MYOF: variants seen among roughly 807,000 people sequenced by gnomAD.
MYOF encodes fer-1-like 3, myoferlin.
Under a neutral mutation model 284.2 loss-of-function variants are expected in MYOF, and 244 were observed. The ratio of observed to expected loss-of-function variants is 0.86; its 90% CI spans 0.77 to 0.95. The LOEUF (loss-of-function observed/expected upper bound fraction) is 0.95, where lower values mean the gene tolerates loss of function less well. MYOF is among the 40% of genes least tolerant of loss of function. The pLI, the probability that MYOF is intolerant of heterozygous loss-of-function variation, is 0.00. For missense variants in MYOF, 2,496 were observed against 2,560.6 expected (o/e 0.97, Z 0.54); for synonymous variants, 904 against 919.7 (o/e 0.98, Z 0.31).
intron 49 of MYOF, among the ~76,000 whole-genome samples, chr10:93,318,888 G>GA (rs1418854355): frequency 6.6e-6 from 1 of 152,210 alleles, no homozygotes; most frequent in Non-Finnish European, 1.5e-5. Context: ...GAAGCTGACA[G>GA]AATGTGGAGG....
At chr10:93,350,559 T>G (rs1268952452) in intron 35 of MYOF, among the ~76,000 whole-genome samples, 2 of 152,170 alleles carry the variant, frequency 1.3e-5, no homozygotes, top group Non-Finnish European at 2.9e-5. Flanking sequence ...GTGATCCACC[T>G]GCCTTGGCCT....
intron 1 of MYOF, among the ~76,000 whole-genome samples, chr10:93,477,314 A>T (rs571010159): frequency 6.6e-6 from 1 of 151,804 alleles, no homozygotes; most frequent in African/African-American, 2.4e-5. Context: ...CAACATGGTG[A>T]AACCCCGTCT....
Position 93,310,013 on chromosome 10 carries a change from C to A in MYOF, c.6147+7G>T. On this transcript the variant is annotated splice_region_variant and intron_variant, in intron 53 of 53. Coordinates refer to ENST00000359263, the MANE Select transcript of MYOF (RefSeq NM_013451.4). ...GCCAAGACAAGGGGCCAAGGAAGGG[C>A]TCCTACCGGCAAAGAGTAGAGGAGC... 6.2e-7 allele frequency: 1 copy of A among 1,614,046 alleles called. No individual in the cohort carries two copies. The highest frequency in any genetic ancestry group is 8.5e-7 in the Non-Finnish European group (1 of 1,180,004).
chr10:93,462,822 T>C (rs1164226342), intron 1 of MYOF, among the ~76,000 whole-genome samples: 4 of 151,780 alleles, frequency 2.6e-5, no homozygotes, highest in African/African-American at 9.7e-5. Flanking sequence ...ATTCTACCTC[T>C]GTAAAAATAA....
intron 32 of MYOF, 67 bp from the exon 33 acceptor site, chr10:93,351,913 G>T: frequency 7.3e-7 from 1 of 1,378,766 alleles, no homozygotes; most frequent in Non-Finnish European, 9.8e-7. Flanking sequence ...ACCACTCAGT[G>T]CAACCATATT....
chr10:93,454,059 G>GT (rs1403720395), intron 2 of MYOF, among the ~76,000 whole-genome samples: 2 of 152,182 alleles, frequency 1.3e-5, no homozygotes, highest in Non-Finnish European at 2.9e-5. Flanking sequence ...GCATATGCCT[G>GT]TAATCCCAGC....
At chr10:93,355,954 C>T (rs1387422087) in intron 30 of MYOF, among the ~76,000 whole-genome samples, 1 of 152,158 alleles carries the variant, frequency 6.6e-6, no homozygotes, top group Non-Finnish European at 1.5e-5. Context: ...AAGTGGGAGC[C>T]AGCCCTCCTA....
intron 5 of MYOF, among the ~76,000 whole-genome samples, chr10:93,422,420 G>A (rs1459714195): frequency 6.6e-6 from 1 of 152,202 alleles, no homozygotes. Flanking sequence ...GGGAGCACTG[G>A]TGCTACAAAC....
chr10:93,450,846 G>T (rs972682004), intron 3 of MYOF, among the ~76,000 whole-genome samples: 1 of 148,716 alleles, frequency 6.7e-6, no homozygotes, highest in Non-Finnish European at 1.5e-5. Context: ...TAAATATCAC[G>T]CTTTTTTTGG....
chr10:93,406,556 T>C (rs1390942188), intron 7 of MYOF, among the ~76,000 whole-genome samples: 1 of 22,074 alleles, frequency 4.5e-5, no homozygotes, highest in Non-Finnish European at 2.7e-4. Flanking sequence ...TCCAGCATCT[T>C]GCCTCCTCCC....
At chr10:93,342,258 A>C (rs1430733717) in intron 38 of MYOF, among the ~76,000 whole-genome samples, 2 of 152,200 alleles carry the variant, frequency 1.3e-5, no homozygotes, top group Non-Finnish European at 2.9e-5. Context: ...GTGGTAATAC[A>C]TGCACATTAC....
intron 4 of MYOF, among the ~76,000 whole-genome samples, chr10:93,427,271 G>A (rs1462279401): frequency 6.6e-6 from 1 of 151,736 alleles, no homozygotes; most frequent in Non-Finnish European, 1.5e-5. Context: ...GCAATGGCTT[G>A]CACTTTTAAT....
At chr10:93,440,282 G>C (rs759827133) in intron 3 of MYOF, among the ~76,000 whole-genome samples, 8 of 152,020 alleles carry the variant, frequency 5.3e-5, no homozygotes, top group Non-Finnish European at 1.2e-4. Flanking sequence ...CGTGGTGGCG[G>C]GCGCCTGTAG....
intron 1 of MYOF, among the ~76,000 whole-genome samples, chr10:93,478,840 A>AAAGAAAGAAAGAAAG (rs1564748718): frequency 1.3e-5 from 1 of 78,052 alleles, no homozygotes; most frequent in African/African-American, 5.1e-5. Flanking sequence ...AAAAAAAAAA[A>AAAGAAAGAAAGAAAG]AAAGAAAGAA....
chr10:93,387,731 G>C lies in MYOF; in HGVS notation c.1698+66C>G. 3 of 1,381,160 alleles carry C rather than the reference G, an allele frequency of 2.2e-6. No individual in the cohort carries two copies. The Admixed American group carries it at 5.1e-5, about 23-fold the overall frequency. 85.6% of individuals were successfully genotyped at this position (1,381,160 alleles called of 1,614,324 possible). On this transcript the variant is annotated intron_variant, in intron 19 of 53. Transcript: ENST00000359263. Reference sequence around the variant, plus strand: ...GTTGGGTTGCCTTCCGACTCCCCCAGCTACCCCTTCAGTCCCTGGAGGTCT... The same window carrying C: ...GTTGGGTTGCCTTCCGACTCCCCCACCTACCCCTTCAGTCCCTGGAGGTCT...
At chr10:93,450,845 C>A (rs765232915) in intron 3 of MYOF, among the ~76,000 whole-genome samples, 1 of 149,000 alleles carries the variant, frequency 6.7e-6, no homozygotes, top group Non-Finnish European at 1.5e-5. Flanking sequence ...TTAAATATCA[C>A]GCTTTTTTTG....
chr10:93,356,833 G>A lies in MYOF; in HGVS notation c.3136C>T (p.Gln1046Ter), dbSNP rs774431127. 1.2e-6 allele frequency: 2 copies of A among 1,612,518 alleles called. No homozygotes were observed. The highest frequency in any genetic ancestry group is 3.4e-5 in the Admixed American group (2 of 59,636). ...GCATATTCCCAGCCCTCTTGGTCTT[G>A]CAATTCCTCCATGGCCTAAAACAGA... The part of the protein sequence containing the change: ...SSTARAMEEL[Q>*]DQEGWEYASL... The change falls in exon 30 of 54, where the codon CAA becomes TAA. Residue 1046 changes from glutamine (Q) to a stop codon, truncating the protein, a stop_gained. Coordinates refer to ENST00000359263, the MANE Select transcript of MYOF (RefSeq NM_013451.4). LOFTEE classifies it high-confidence loss of function.
chr10:93,329,555 T>C (rs1609573), intron 44 of MYOF, 109 bp downstream of exon 44: 592,801 of 1,143,498 alleles, frequency 0.52, 161,943 homozygotes, highest in East Asian at 0.9. Flanking sequence ...ACCTGAGTGA[T>C]AGGAGCAGTG....
intron 45 of MYOF, among the ~76,000 whole-genome samples, chr10:93,328,314 T>C (rs770987349): frequency 2.0e-5 from 3 of 152,136 alleles, no homozygotes; most frequent in Non-Finnish European, 2.9e-5. Flanking sequence ...AAATTGCTGG[T>C]TGGGAAAGAG....
Sources: allele counts gnomAD v4.1 joint callset (sites outside exome capture counted in the v4.1 genomes callset), GRCh38; gene constraint gnomAD v4.1.1; transcripts MANE v1.5; gene names NCBI Gene and HGNC (gene_info 2026-07-23, HGNC 2026-07-21).